Variants in KHDRBS2 observed in about 807,000 individuals in gnomAD.
The protein encoded by KHDRBS2 is KH RNA binding domain containing, signal transduction associated 2, also known as KH domain-containing, RNA-binding, signal transduction-associated protein 2.
A neutral mutation model predicts 44.3 loss-of-function variants in KHDRBS2; 26 were observed. The ratio of observed to expected loss-of-function variants is 0.59; its 90% CI spans 0.43 to 0.81. The LOEUF is 0.81. Ranked by LOEUF, KHDRBS2 falls within the 40% of genes least tolerant of loss-of-function variation. The pLI is 0.00. For synonymous variants in KHDRBS2, 194 were observed against 151.1 expected (o/e 1.28, Z -2.08); for missense variants, 476 against 433.1 (o/e 1.10, Z -0.88).
chr6:61,898,472 AT>A (rs1386670727), intron 5 of KHDRBS2, among the ~76,000 whole-genome samples: 3 of 152,012 alleles, frequency 2.0e-5, no homozygotes, highest in African/African-American at 7.2e-5. Context: ...CAAGGTCAAC[AT>A]TTTAACTTAT....
intron 2 of KHDRBS2, among the ~76,000 whole-genome samples, chr6:62,127,381 T>C (rs1258905122): frequency 6.6e-6 from 1 of 151,828 alleles, no homozygotes; most frequent in African/African-American, 2.4e-5. Context: ...AACATAAGAG[T>C]GAAAATATAT....
the KHDRBS2 span, among the ~76,000 whole-genome samples, chr6:61,544,771 T>C: frequency 6.6e-6 from 1 of 152,030 alleles, no homozygotes; most frequent in Non-Finnish European, 1.5e-5. Flanking sequence ...TGAGTTTGTG[T>C]CCTTTGTAGG....
chr6:62,171,004 C>G (rs1315996870), intron 2 of KHDRBS2, among the ~76,000 whole-genome samples: 1 of 149,868 alleles, frequency 6.7e-6, no homozygotes, highest in Admixed American at 6.6e-5. Flanking sequence ...ATTAAAGGAC[C>G]ATTTACCCAC....
the KHDRBS2 span, among the ~76,000 whole-genome samples, chr6:61,595,082 G>A: frequency 6.6e-6 from 1 of 152,046 alleles, no homozygotes. Flanking sequence ...CTCAAAGGAG[G>A]TACCACAATC....
intron 2 of KHDRBS2, among the ~76,000 whole-genome samples, chr6:62,128,729 AG>A (rs1438738899): frequency 2.0e-5 from 3 of 152,002 alleles, no homozygotes; most frequent in African/African-American, 7.2e-5. Flanking sequence ...TTTTTAGTGT[AG>A]ATGTTTATAA....
chr6:62,086,448 G>T (rs181862250), intron 2 of KHDRBS2, among the ~76,000 whole-genome samples: 1 of 152,256 alleles, frequency 6.6e-6, no homozygotes, highest in African/African-American at 2.4e-5. Context: ...TTAGAAATTT[G>T]GTTTTTAGAT....
At chr6:61,584,726 A>G in the KHDRBS2 span, among the ~76,000 whole-genome samples, 1 of 152,002 alleles carries the variant, frequency 6.6e-6, no homozygotes, top group South Asian at 2.1e-4. Flanking sequence ...GTCATCCTAC[A>G]TAATACCTCC....
At chr6:61,939,561 T>C (rs772739076) in intron 4 of KHDRBS2, among the ~76,000 whole-genome samples, 1 of 152,172 alleles carries the variant, frequency 6.6e-6, no homozygotes, top group East Asian at 1.9e-4. Context: ...AAAAACAGAT[T>C]TATTGTTACC....
intron 4 of KHDRBS2, among the ~76,000 whole-genome samples, chr6:61,941,875 C>T (rs1203365832): frequency 1.3e-5 from 2 of 152,080 alleles, no homozygotes; most frequent in Admixed American, 1.3e-4. Flanking sequence ...AACATGGCAC[C>T]TCCAACGAAC....
intron 4 of KHDRBS2, among the ~76,000 whole-genome samples, chr6:61,952,379 C>T (rs1764936237): frequency 6.6e-6 from 1 of 151,980 alleles, no homozygotes; most frequent in South Asian, 2.1e-4. Context: ...TTTGGATCTT[C>T]CACCTAATCT....
chr6:62,042,064 A>C (rs1480708993), intron 3 of KHDRBS2, among the ~76,000 whole-genome samples: 1 of 152,058 alleles, frequency 6.6e-6, no homozygotes, highest in Non-Finnish European at 1.5e-5. Flanking sequence ...TACTGAAATA[A>C]TCTATTGGTT....
rs536251629 is a variant in KHDRBS2 at position 61,695,358 on chromosome 6, G to T, written c.952+1837C>A. Among the ~76,000 whole-genome samples, 13 of 152,260 alleles carry T rather than the reference G, an allele frequency of 8.5e-5. No homozygotes were observed. In the South Asian group the frequency reaches 2.5e-3, roughly 29 times the overall value. ...AGTCTTAGTTTCTCACCTGAAAAAT[G>T]CAGATGACAATATAAGTGTGCATCC... On this transcript the variant is annotated intron_variant, in intron 8 of 8. Coordinates refer to ENST00000281156, the MANE Select transcript of KHDRBS2 (RefSeq NM_152688.4).
chr6:61,836,773 A>C (rs1792760605), intron 6 of KHDRBS2, among the ~76,000 whole-genome samples: 1 of 152,078 alleles, frequency 6.6e-6, no homozygotes, highest in Non-Finnish European at 1.5e-5. Flanking sequence ...ACATACACGC[A>C]TATATACAAC....
chr6:61,891,491 T>G (rs1454974471), intron 6 of KHDRBS2, among the ~76,000 whole-genome samples: 1 of 152,142 alleles, frequency 6.6e-6, no homozygotes, highest in Non-Finnish European at 1.5e-5. Flanking sequence ...CTGACTGGAA[T>G]AGTTTCAGAA....
chr6:61,750,519 T>G (rs533902206), intron 6 of KHDRBS2, among the ~76,000 whole-genome samples: 1 of 152,258 alleles, frequency 6.6e-6, no homozygotes, highest in African/African-American at 2.4e-5. Context: ...TCTGGATTCT[T>G]ATGTACCAGC....
chr6:61,853,521 C>G (rs1213448164), intron 6 of KHDRBS2, among the ~76,000 whole-genome samples: 1 of 152,130 alleles, frequency 6.6e-6, no homozygotes, highest in Non-Finnish European at 1.5e-5. Context: ...AACCTTGCAT[C>G]CTGCTGACAT....
At chr6:62,202,453 C>T (rs1827186697) in intron 1 of KHDRBS2, among the ~76,000 whole-genome samples, 1 of 152,004 alleles carries the variant, frequency 6.6e-6, no homozygotes, top group African/African-American at 2.4e-5. Context: ...CATATGCAAT[C>T]ATAAGACAAA....
At chr6:61,771,633 C>A (rs1780926867) in intron 6 of KHDRBS2, among the ~76,000 whole-genome samples, 1 of 152,118 alleles carries the variant, frequency 6.6e-6, no homozygotes, top group Non-Finnish European at 1.5e-5. Flanking sequence ...ACAAGAAGAG[C>A]TAACTATCCT....
chr6:61,836,739 C>T (rs1201467191), intron 6 of KHDRBS2, among the ~76,000 whole-genome samples: 4 of 115,080 alleles, frequency 3.5e-5, no homozygotes, highest in African/African-American at 1.1e-4. Context: ...CTTAGTGTTA[C>T]ACCTATTAGG....
Sources: gnomAD v4.1 joint callset for allele counts (sites outside exome capture counted in the v4.1 genomes callset) on GRCh38, gnomAD v4.1.1 for gene constraint, MANE v1.5 for transcripts, NCBI Gene and HGNC (gene_info 2026-07-23, HGNC 2026-07-21) for gene names.